STRADB: variants seen among roughly 807,000 people sequenced by gnomAD.
The protein encoded by STRADB is STE20-related kinase adapter protein beta.
A neutral mutation model predicts 52.1 loss-of-function variants in STRADB; 34 were observed. That is an observed-to-expected ratio of 0.65 (90% CI 0.50 to 0.87). The LOEUF is 0.87. Among genes scored for constraint, STRADB ranks in the 40% least tolerant of loss-of-function variants. The pLI, the probability that STRADB is intolerant of heterozygous loss-of-function variation, is 0.00. For synonymous variants in STRADB, 133 were observed against 174.5 expected (o/e 0.76, Z 1.87); for missense variants, 340 against 483.9 (o/e 0.70, Z 2.79).
chr2:201,451,756 C>T lies in STRADB; in HGVS notation c.-278C>T, dbSNP rs953403904. On this transcript the variant is annotated 5_prime_UTR_variant, in exon 1 of 12. Transcript: ENST00000194530. ...GGCGAATGCGTTCCCAGCGGGTAGCCTGGGACTGGTGCAGAGTTCCAAGCC... is the reference window on the plus strand; with the variant it reads ...GGCGAATGCGTTCCCAGCGGGTAGCTTGGGACTGGTGCAGAGTTCCAAGCC... 1 of 151,924 alleles carries T rather than the reference C, an allele frequency of 6.6e-6. No homozygotes were observed. Among genetic ancestry groups the T allele is most frequent in the African/African-American group, 2.4e-5 (1 of 41,390 alleles). The allele number at this position is 151,924 out of a possible 1,614,324, so 9.4% of individuals were successfully genotyped here. A position where few individuals can be genotyped will look rare whatever the true frequency, so the allele number is the denominator to read the frequency against.
chr2:201,456,528 T>C (rs1952129917), intron 2 of STRADB, among the ~76,000 whole-genome samples: 1 of 152,188 alleles, frequency 6.6e-6, no homozygotes, highest in Admixed American at 6.5e-5. Context: ...TAAATCACAT[T>C]TTTCTGCAAT....
rs139316950 is a variant in STRADB, at chr2:201,478,366, C to A, written c.835C>A (p.Gln279Lys). 5 of 1,613,074 alleles carry A rather than the reference C, an allele frequency of 3.1e-6. No homozygotes were observed. Among genetic ancestry groups the A allele is most frequent in the Non-Finnish European group, 4.2e-6 (5 of 1,179,814 alleles). Residue 279 changes from glutamine to lysine, a missense_variant, in exon 10 of 12, where the codon CAG becomes AAG. Gln to Lys is a moderately conservative substitution (Grantham distance 53, BLOSUM62 1). Transcript: ENST00000194530. Reference sequence around the variant, plus strand: ...GTTCTGTTTCTTTTAGATGCTGTTACAGAAACTGAAAGGTCCTCCTTATAG... The same window carrying A: ...GTTCTGTTTCTTTTAGATGCTGTTAAAGAAACTGAAAGGTCCTCCTTATAG... ...QDMHRTQMLL[Q>K]KLKGPPYSPL...
intron 5 of STRADB, among the ~76,000 whole-genome samples, chr2:201,473,847 T>A (rs1952428750): frequency 6.6e-6 from 1 of 151,934 alleles, no homozygotes; most frequent in African/African-American, 2.4e-5. Flanking sequence ...TCATTTTTTA[T>A]ATAAAGGGGG....
chr2:201,462,250 A>G (rs556367743), intron 3 of STRADB, among the ~76,000 whole-genome samples: 7 of 152,170 alleles, frequency 4.6e-5, no homozygotes, highest in African/African-American at 1.7e-4. Flanking sequence ...TTCCATTTAT[A>G]TGGAATATTT....
chr2:201,466,973 C>G (rs1236124284), intron 3 of STRADB, among the ~76,000 whole-genome samples: 1 of 152,190 alleles, frequency 6.6e-6, no homozygotes, highest in Admixed American at 6.5e-5. Flanking sequence ...GAAAACACTT[C>G]AGAGTGCTAT....
At chr2:201,475,871 G>C in intron 7 of STRADB, 129 bp downstream of exon 7, 1 of 1,007,786 alleles carries the variant, frequency 9.9e-7, no homozygotes, top group South Asian at 1.7e-5. Context: ...AATTGAGGGA[G>C]GAAGGGACCA....
intron 7 of STRADB, 145 bp downstream of exon 7, chr2:201,475,887 T>A: frequency 1.2e-6 from 1 of 807,648 alleles, no homozygotes; most frequent in Non-Finnish European, 1.9e-6. Flanking sequence ...GACCATTAGG[T>A]GCAGTGGATT....
chr2:201,473,953 C>G (rs1002586823), intron 5 of STRADB, among the ~76,000 whole-genome samples: 3 of 148,284 alleles, frequency 2.0e-5, no homozygotes, highest in African/African-American at 7.5e-5. Context: ...TGCAGTGGCG[C>G]GATCTTGGCT....
intron 3 of STRADB, among the ~76,000 whole-genome samples, chr2:201,463,714 C>T (rs1952253938): frequency 6.6e-6 from 1 of 152,072 alleles, no homozygotes; most frequent in African/African-American, 2.4e-5. Context: ...TCTTCAATGC[C>T]GATAAATCTT....
At position 201,451,837 on chromosome 2, in the gene STRADB, T is replaced by G. The variant is rs1387312088; in HGVS notation, c.-197T>G. On this transcript the variant is annotated 5_prime_UTR_variant, in exon 1 of 12. Coordinates refer to ENST00000194530, the MANE Select transcript of STRADB (RefSeq NM_018571.6). ...CCGCGCCCCGCGCCGGGAGCGGGCCTAGAGCGCTCGCCTCGCCCCTCCGCG... is the reference window on the plus strand; with the variant it reads ...CCGCGCCCCGCGCCGGGAGCGGGCCGAGAGCGCTCGCCTCGCCCCTCCGCG... The G allele has an allele frequency of 6.6e-6, 1 of 152,158 alleles. No homozygotes were observed. Among genetic ancestry groups the G allele is most frequent in the Admixed American group, 6.6e-5 (1 of 15,258 alleles). The allele number at this position is 152,158 out of a possible 1,614,324, so 9.4% of individuals were successfully genotyped here.
rs530551576 is a variant in STRADB, at chr2:201,474,481, A to T, written c.316-166A>T. 4 of 545,180 alleles carry T rather than the reference A, an allele frequency of 7.3e-6. No homozygotes were observed. In the African/African-American group the frequency reaches 7.9e-5, roughly 11 times the overall value. 33.8% of individuals were successfully genotyped at this position (545,180 alleles called of 1,614,324 possible). ...TCTTCTGAAAAATGGGAATCATAAT[A>T]TCACATACTTTGTGGAGTGGTTGTG... On this transcript the variant is annotated intron_variant, in intron 5 of 11. Coordinates refer to ENST00000194530, the MANE Select transcript of STRADB (RefSeq NM_018571.6).
intron 3 of STRADB, among the ~76,000 whole-genome samples, chr2:201,467,399 C>T (rs1266006642): frequency 6.6e-6 from 1 of 152,172 alleles, no homozygotes; most frequent in Non-Finnish European, 1.5e-5. Flanking sequence ...AGCTCAACTA[C>T]TGTCAATGGT....
intron 4 of STRADB, among the ~76,000 whole-genome samples, chr2:201,472,623 G>A (rs1020782084): frequency 5.9e-5 from 9 of 152,268 alleles, no homozygotes; most frequent in East Asian, 3.9e-4. Flanking sequence ...TGAGTATATC[G>A]CAATTGGTTT....
intron 10 of STRADB, 107 bp from the exon 11 acceptor site, chr2:201,479,382 C>A: frequency 2.1e-6 from 2 of 954,966 alleles, no homozygotes; most frequent in Non-Finnish European, 1.6e-6. Context: ...TAATCTTTTT[C>A]GTATTGGGTT....
At chr2:201,479,458 T>C (rs752831857) in intron 10 of STRADB, 31 bp from the exon 11 acceptor site, 1 of 1,306,002 alleles carries the variant, frequency 7.7e-7, no homozygotes, top group East Asian at 4.8e-5. Context: ...ATATAAAGGT[T>C]TTTTTTTTAT....
intron 5 of STRADB, among the ~76,000 whole-genome samples, chr2:201,473,658 G>T (rs993888134): frequency 2.0e-5 from 3 of 152,116 alleles, no homozygotes; most frequent in Non-Finnish European, 4.4e-5. Context: ...TATTCAAAAT[G>T]CTAGTCTGGA....
Position 201,454,735 on chromosome 2 carries a change from G to A in STRADB, c.-95-11G>A. On this transcript the variant is annotated splice_polypyrimidine_tract_variant and intron_variant, in intron 1 of 11. Coordinates refer to ENST00000194530, the MANE Select transcript of STRADB (RefSeq NM_018571.6). ...TGTGAATCTAAATTATTTTGCTTTT[G>A]TTTTTTATAGTAGGATATATCTGCA... 1 of 1,147,112 alleles carries A rather than the reference G, an allele frequency of 8.7e-7. No homozygotes were observed. Among genetic ancestry groups the A allele is most frequent in the South Asian group, 1.7e-5 (1 of 58,166 alleles). 71.1% of individuals were successfully genotyped at this position (1,147,112 alleles called of 1,614,324 possible).
intron 4 of STRADB, among the ~76,000 whole-genome samples, chr2:201,471,039 G>A (rs1952381422): frequency 6.6e-6 from 1 of 152,152 alleles, no homozygotes; most frequent in Non-Finnish European, 1.5e-5. Context: ...GACTGCTGCT[G>A]CTTTGTCCTT....
intron 5 of STRADB, among the ~76,000 whole-genome samples, chr2:201,473,936 G>C (rs905665876): frequency 2.0e-5 from 3 of 149,374 alleles, no homozygotes; most frequent in Admixed American, 6.7e-5. Flanking sequence ...AGTCGCCCAG[G>C]CTGGAGTGCA....
Sources: gnomAD v4.1 joint callset for allele counts (sites outside exome capture counted in the v4.1 genomes callset) on GRCh38, gnomAD v4.1.1 for gene constraint, MANE v1.5 for transcripts, NCBI Gene and HGNC (gene_info 2026-07-23, HGNC 2026-07-21) for gene names.